Variants in COL12A1 observed in about 807,000 individuals in gnomAD.
The protein encoded by COL12A1 is collagen alpha-1(XII) chain.
Under a neutral mutation model 349.7 loss-of-function variants are expected in COL12A1, and 114 were observed. That is an observed-to-expected ratio of 0.33 (90% CI 0.28 to 0.38). The LOEUF is 0.38. Among genes scored for constraint, COL12A1 ranks in the 10% least tolerant of loss-of-function variants. The probability of loss-of-function intolerance (pLI) is 1.00; values close to 1 mark genes in which losing one functional copy is unlikely to be tolerated. For missense variants in COL12A1, 3,284 were observed against 3,756.9 expected (o/e 0.87, Z 3.29); for synonymous variants, 1,369 against 1,329.0 (o/e 1.03, Z -0.66).
intron 8 of COL12A1, among the ~76,000 whole-genome samples, chr6:75,187,345 C>A (rs138556461): frequency 5.3e-5 from 8 of 151,764 alleles, no homozygotes; most frequent in Non-Finnish European, 1.2e-4. Flanking sequence ...GAAATGTGAA[C>A]ACCTGTGATG....
intron 58 of COL12A1, among the ~76,000 whole-genome samples, chr6:75,100,937 A>C (rs1343197960): frequency 6.6e-6 from 1 of 152,156 alleles, no homozygotes; most frequent in Non-Finnish European, 1.5e-5. Flanking sequence ...CTTTTTATTA[A>C]AGCATTTGTG....
intron 1 of COL12A1, 22 bp from the exon 2 acceptor site, chr6:75,202,849 G>A (rs1430462398): frequency 2.5e-5 from 37 of 1,490,494 alleles, no homozygotes; most frequent in Non-Finnish European, 3.3e-5. Context: ...AGTAGTGACT[G>A]CATCAGAACT....
At position 75,177,766 on chromosome 6, in the gene COL12A1, T is replaced by G; in HGVS notation, c.2334A>C (p.Thr778=). The G allele has an allele frequency of 3.7e-6, 6 of 1,614,148 alleles. No homozygotes were observed. The highest frequency in any genetic ancestry group is 5.1e-6 in the Non-Finnish European group (6 of 1,180,022). Reference sequence around the variant, plus strand: ...TCGTGTCTGGAATCAAGTTCTCCAGTGTTCTCCTCCTCTGATTGGGTGGGG... The same window carrying G: ...TCGTGTCTGGAATCAAGTTCTCCAGGGTTCTCCTCCTCTGATTGGGTGGGG... ...VTTPPNQRRR[T]LENLIPDTKY... Residue 778 remains threonine, a synonymous_variant, in exon 12 of 66, where the codon ACA becomes ACC. Transcript: ENST00000322507.
chr6:75,183,345 C>T lies in COL12A1; in HGVS notation c.1596G>A (p.Val532=), dbSNP rs1331666161. The T allele has an allele frequency of 6.2e-7, 1 of 1,614,072 alleles. No homozygotes were observed. Among genetic ancestry groups the T allele is most frequent in the African/African-American group, 1.3e-5 (1 of 74,928 alleles). Residue 532 remains valine (V), a synonymous_variant, in exon 10 of 66, where the codon GTG becomes GTA. Transcript: ENST00000322507. ...CATTGCTTCTTGATCCCTTGCTAGG[C>T]ACAAATATTTTCTCTCTGACATAAG... is the stretch of plus-strand genomic sequence containing the variant. ...AMTYVREKIF[V]PSKGSRSNVP...
At chr6:75,168,762 C>T (rs770078647) in intron 13 of COL12A1, among the ~76,000 whole-genome samples, 1 of 152,126 alleles carries the variant, frequency 6.6e-6, no homozygotes, top group Non-Finnish European at 1.5e-5. Context: ...AGCATTTATT[C>T]GGGAGGTGTG....
At chr6:75,151,732 A>ATTAATT (rs1767499950) in intron 20 of COL12A1, 135 bp downstream of exon 20, 2 of 1,046,794 alleles carry the variant, frequency 1.9e-6, no homozygotes, top group Non-Finnish European at 2.7e-6. Flanking sequence ...ACTTCCTGGA[A>ATTAATT]CATTATTTTG....
intron 37 of COL12A1, among the ~76,000 whole-genome samples, chr6:75,129,487 C>T (rs1270426765): frequency 6.6e-6 from 1 of 152,160 alleles, no homozygotes; most frequent in Middle Eastern, 3.2e-3. Flanking sequence ...CATTTTTCCA[C>T]TCATAACAAA....
intron 56 of COL12A1, 34 bp downstream of exon 56, chr6:75,102,563 A>C: frequency 7.2e-7 from 1 of 1,389,844 alleles, no homozygotes. Flanking sequence ...TTTATCCACC[A>C]CTCTCATTTA....
rs115691133 is a variant in COL12A1, at chr6:75,090,627, A to G, written c.8753-329T>C. Among the ~76,000 whole-genome samples the G allele has an allele frequency of 7.1e-3, 1,089 of 152,332 alleles. 9 individuals are homozygous for G. Among genetic ancestry groups the G allele is most frequent in the African/African-American group, 0.024 (1,011 of 41,572 alleles). ...CATCACTCAAAAGAAAACCTTTTTTATAATTAGATAATTCTACAATTTTTT... is the reference window on the plus strand; with the variant it reads ...CATCACTCAAAAGAAAACCTTTTTTGTAATTAGATAATTCTACAATTTTTT... On this transcript the variant is annotated intron_variant, in intron 62 of 65. Transcript: ENST00000322507. The surrounding 1 kb of genome is among the most constrained non-coding windows in gnomAD (Gnocchi z 4.1).
In COL12A1 at chr6:75,084,962, A is replaced by G. The variant is rs1252817783; in HGVS notation, c.*1585T>C. Reference sequence around the variant, plus strand: ...TTCTCTCTTTGCAGCTTTTGTTAACAAAGTATTTTGCAAGCATTTCAAGGG... The same window carrying G: ...TTCTCTCTTTGCAGCTTTTGTTAACGAAGTATTTTGCAAGCATTTCAAGGG... On this transcript the variant is annotated 3_prime_UTR_variant, in exon 66 of 66. Coordinates refer to ENST00000322507, the MANE Select transcript of COL12A1 (RefSeq NM_004370.6). 1.4e-5 allele frequency: 4 copies of G among 278,628 alleles called. No individual in the cohort carries two copies. In the East Asian group the frequency reaches 3.3e-4, roughly 23 times the overall value. 17.3% of individuals were successfully genotyped at this position (278,628 alleles called of 1,614,324 possible).
At chr6:75,133,514 T>G (rs1445310900) in intron 33 of COL12A1, 92 bp from the exon 34 acceptor site, 15 of 1,272,772 alleles carry the variant, frequency 1.2e-5, no homozygotes, top group Non-Finnish European at 1.5e-5. Context: ...CAAGACCAAG[T>G]CAAGAAGTAG....
intron 10 of COL12A1, among the ~76,000 whole-genome samples, chr6:75,181,927 C>CAAAAAAAAAAAAA (rs547248236): frequency 2.2e-5 from 3 of 139,274 alleles, no homozygotes; most frequent in African/African-American, 8.0e-5. Flanking sequence ...CCGTCTCTAC[C>CAAAAAAAAAAAAA]AAAAAAAAAA....
chr6:75,164,531 G>A (rs1020952379), intron 14 of COL12A1, among the ~76,000 whole-genome samples: 1 of 152,162 alleles, frequency 6.6e-6, no homozygotes, highest in African/African-American at 2.4e-5. Flanking sequence ...CTTAACAAAT[G>A]ACATTTGCTT....
At chr6:75,156,805 C>T (rs942391609) in intron 14 of COL12A1, among the ~76,000 whole-genome samples, 1 of 152,114 alleles carries the variant, frequency 6.6e-6, no homozygotes, top group African/African-American at 2.4e-5. Context: ...AAGAAAACAT[C>T]CATTTCCGGA....
chr6:75,196,327 G>A (rs1266419391), intron 2 of COL12A1, among the ~76,000 whole-genome samples: 1 of 152,118 alleles, frequency 6.6e-6, no homozygotes, highest in African/African-American at 2.4e-5. Flanking sequence ...TTTTTTCAAA[G>A]GTCAATTAAA....
At chr6:75,170,927 A>G (rs1768597829) in intron 13 of COL12A1, among the ~76,000 whole-genome samples, 2 of 152,252 alleles carry the variant, frequency 1.3e-5, no homozygotes, top group African/African-American at 4.8e-5. Flanking sequence ...GCAGGTTGCT[A>G]TAGCAACTGA....
intron 8 of COL12A1, among the ~76,000 whole-genome samples, chr6:75,186,370 T>G (rs1294556136): frequency 6.6e-6 from 1 of 151,988 alleles, no homozygotes; most frequent in Non-Finnish European, 1.5e-5. Context: ...CAAAAAAAAG[T>G]TCAACATTAC....
intron 8 of COL12A1, among the ~76,000 whole-genome samples, chr6:75,188,003 C>G (rs568139118): frequency 6.6e-6 from 1 of 152,174 alleles, no homozygotes; most frequent in South Asian, 2.1e-4. Context: ...GTCTTTCCAG[C>G]CCATCAATGT....
At chr6:75,160,254 G>T (rs907822100) in intron 14 of COL12A1, among the ~76,000 whole-genome samples, 3 of 152,222 alleles carry the variant, frequency 2.0e-5, no homozygotes, top group African/African-American at 7.2e-5. Context: ...AATTAGAAGG[G>T]CAATAGAAAG....
Sources: gnomAD v4.1 joint callset for allele counts (sites outside exome capture counted in the v4.1 genomes callset) on GRCh38, gnomAD v4.1.1 for gene constraint, Gnocchi (gnomAD v3.1) non-coding constraint, MANE v1.5 for transcripts, NCBI Gene and HGNC (gene_info 2026-07-23, HGNC 2026-07-21) for gene names.